Variants in FGF12 observed in about 807,000 individuals in gnomAD.
The protein encoded by FGF12 is fibroblast growth factor 12B.
A neutral mutation model predicts 23.6 loss-of-function variants in FGF12; 14 were observed. The ratio of observed to expected loss-of-function variants is 0.59; its 90% CI spans 0.39 to 0.93. The LOEUF (loss-of-function observed/expected upper bound fraction) is 0.93, where lower values mean the gene tolerates loss of function less well. FGF12 is among the 40% of genes least tolerant of loss of function. The probability of loss-of-function intolerance (pLI) is 0.00; values close to 1 mark genes in which losing one functional copy is unlikely to be tolerated. For missense variants in FGF12, 175 were observed against 217.8 expected (o/e 0.80, Z 1.24); for synonymous variants, 62 against 77.3 (o/e 0.80, Z 1.04).
chr3:192,707,535 C>G (rs1178091044), intron 2 of FGF12, among the ~76,000 whole-genome samples: 3 of 152,098 alleles, frequency 2.0e-5, no homozygotes, highest in Admixed American at 6.5e-5. Flanking sequence ...ATCACGAGGT[C>G]AGGAGATCGA....
At position 192,399,894 on chromosome 3, in the gene FGF12, G is replaced by A. The variant is rs1347947133; in HGVS notation, c.14-39356C>T. On this transcript the variant is annotated intron_variant, in intron 2 of 5. Transcript: ENST00000445105. ...GACTCCTGAAAAGTAACGAAGAAAA[G>A]ACTCTATAGAGTACAGTCATCCCTC... Among the ~76,000 whole-genome samples, 11 of 152,180 alleles carry A rather than the reference G, an allele frequency of 7.2e-5. 1 individual carries two copies. The South Asian group carries it at 2.3e-3, about 31-fold the overall frequency.
chr3:192,419,068 A>G (rs1721442364), intron 2 of FGF12, among the ~76,000 whole-genome samples: 1 of 152,198 alleles, frequency 6.6e-6, no homozygotes, highest in Non-Finnish European at 1.5e-5. Context: ...AAAGTCATAG[A>G]AAGTTGATTA....
intron 2 of FGF12, among the ~76,000 whole-genome samples, chr3:192,608,187 G>A (rs987469959): frequency 6.6e-6 from 1 of 151,960 alleles, no homozygotes; most frequent in African/African-American, 2.4e-5. Context: ...ACAGTTAATG[G>A]GTACAAAAAA....
chr3:192,686,218 A>G (rs1038487084), intron 2 of FGF12, among the ~76,000 whole-genome samples: 1 of 152,248 alleles, frequency 6.6e-6, no homozygotes, highest in East Asian at 1.9e-4. Flanking sequence ...AGGAGGTGAC[A>G]GCATCTAGGG....
chr3:192,628,659 C>A (rs1296138345), intron 2 of FGF12, among the ~76,000 whole-genome samples: 1 of 148,764 alleles, frequency 6.7e-6, no homozygotes, highest in African/African-American at 2.5e-5. Flanking sequence ...GTATATATAG[C>A]AAATATATAC....
intron 2 of FGF12, among the ~76,000 whole-genome samples, chr3:192,432,505 T>G (rs2366674): frequency 0.55 from 83,784 of 151,228 alleles, 23,285 homozygotes; most frequent in Admixed American, 0.58. Flanking sequence ...CCTTAGCAGA[T>G]CAGAGAGAGA....
intron 4 of FGF12, among the ~76,000 whole-genome samples, chr3:192,199,890 A>G (rs1717269262): frequency 1.3e-5 from 2 of 152,250 alleles, no homozygotes; most frequent in South Asian, 2.1e-4. Flanking sequence ...GTTTATGACC[A>G]GAATGATTCA....
At chr3:192,344,782 T>C (rs750382134) in intron 3 of FGF12, among the ~76,000 whole-genome samples, 16 of 152,180 alleles carry the variant, frequency 1.1e-4, no homozygotes, top group Non-Finnish European at 2.1e-4. Context: ...ACCTTTCCTA[T>C]GATAGTTCAA....
At chr3:192,493,925 A>AT (rs112849229) in intron 2 of FGF12, among the ~76,000 whole-genome samples, 5,222 of 152,118 alleles carry the variant, frequency 0.034, 296 homozygotes, top group African/African-American at 0.12. Context: ...TCACAGGATG[A>AT]TTTTTTTCTG....
At chr3:192,379,892 T>C (rs78051231) in intron 2 of FGF12, among the ~76,000 whole-genome samples, 11,272 of 152,232 alleles carry the variant, frequency 0.074, 1,369 homozygotes, top group African/African-American at 0.26. Context: ...TTTTGTTCTA[T>C]GGCTTTAAAA....
At chr3:192,433,923 G>A (rs1172685035) in intron 2 of FGF12, among the ~76,000 whole-genome samples, 1 of 152,148 alleles carries the variant, frequency 6.6e-6, no homozygotes, top group Non-Finnish European at 1.5e-5. Flanking sequence ...TGGCCATTTC[G>A]ACATCAGGAG....
intron 2 of FGF12, among the ~76,000 whole-genome samples, chr3:192,582,549 T>C (rs1383121118): frequency 6.6e-6 from 1 of 152,122 alleles, no homozygotes; most frequent in Admixed American, 6.6e-5. Context: ...AAACTTCAAA[T>C]GCCATGTAAG....
intron 4 of FGF12, among the ~76,000 whole-genome samples, chr3:192,246,443 T>C (rs972647485): frequency 1.1e-4 from 16 of 152,192 alleles, no homozygotes; most frequent in South Asian, 4.1e-4. Context: ...TGACTCAAGA[T>C]AGCATAAGTA....
intron 2 of FGF12, among the ~76,000 whole-genome samples, chr3:192,674,429 T>C (rs1008218391): frequency 2.6e-5 from 4 of 152,118 alleles, no homozygotes; most frequent in African/African-American, 7.2e-5. Flanking sequence ...CAAATGACTA[T>C]GAATAGTATG....
At chr3:192,384,945 C>T (rs1719980498) in intron 2 of FGF12, among the ~76,000 whole-genome samples, 1 of 152,272 alleles carries the variant, frequency 6.6e-6, no homozygotes, top group African/African-American at 2.4e-5. Context: ...ATTTGGGTGA[C>T]ATCTGTTTCT....
intron 2 of FGF12, among the ~76,000 whole-genome samples, chr3:192,536,822 T>C (rs2108854090): frequency 6.6e-6 from 1 of 152,238 alleles, no homozygotes; most frequent in East Asian, 1.9e-4. Flanking sequence ...CAATTATAGT[T>C]TTAGTTAATT....
intron 4 of FGF12, among the ~76,000 whole-genome samples, chr3:192,307,906 A>C (rs1296357049): frequency 6.6e-6 from 1 of 152,122 alleles, no homozygotes; most frequent in Non-Finnish European, 1.5e-5. Context: ...TCCATTTTAC[A>C]TTTTCACACC....
chr3:192,704,188 A>G (rs1718392744), intron 2 of FGF12, among the ~76,000 whole-genome samples: 1 of 152,204 alleles, frequency 6.6e-6, no homozygotes, highest in Admixed American at 6.5e-5. Flanking sequence ...ACAGCAAGTA[A>G]GCCTTATGAA....
intron 2 of FGF12, among the ~76,000 whole-genome samples, chr3:192,686,815 ATTTTTTTTTTTTTTTTTT>A (rs57045697): frequency 3.3e-5 from 2 of 61,434 alleles, no homozygotes; most frequent in African/African-American, 8.2e-5. Flanking sequence ...TTTTTCTCTA[ATTTTTTTTTTTTTTTTTT>A]TTTTTTTTTT....
Sources: gnomAD v4.1 joint callset for allele counts (sites outside exome capture counted in the v4.1 genomes callset) on GRCh38, gnomAD v4.1.1 for gene constraint, MANE v1.5 for transcripts, NCBI Gene and HGNC (gene_info 2026-07-23, HGNC 2026-07-21) for gene names.